CADPS2: variants seen among roughly 807,000 people sequenced by gnomAD.
CADPS2 encodes the protein calcium dependent secretion activator 2, also known as calcium-dependent secretion activator 2.
Under a neutral mutation model 172.5 loss-of-function variants are expected in CADPS2, and 93 were observed. The ratio of observed to expected loss-of-function variants is 0.54; its 90% CI spans 0.46 to 0.64. The LOEUF is 0.64. CADPS2 is among the 30% of genes least tolerant of loss of function. The pLI is 0.00. For synonymous variants in CADPS2, 546 were observed against 555.2 expected (o/e 0.98, Z 0.23); for missense variants, 1,420 against 1,565.9 (o/e 0.91, Z 1.57).
chr7:122,814,525 T>C (rs2140226684), intron 1 of CADPS2, among the ~76,000 whole-genome samples: 1 of 152,230 alleles, frequency 6.6e-6, no homozygotes, highest in East Asian at 1.9e-4. Context: ...TAATTATTCA[T>C]GACATGTCAA....
intron 9 of CADPS2, among the ~76,000 whole-genome samples, chr7:122,501,979 T>C (rs1427194617): frequency 6.6e-6 from 1 of 151,932 alleles, no homozygotes. Flanking sequence ...CATATTATTT[T>C]ATACATTCTC....
At chr7:122,618,221 A>T (rs2075180691) in intron 5 of CADPS2, among the ~76,000 whole-genome samples, 2 of 152,200 alleles carry the variant, frequency 1.3e-5, no homozygotes, top group Admixed American at 1.3e-4. Context: ...CTTAATGAAC[A>T]GAGATACCTA....
At chr7:122,436,041 T>C (rs1449436888) in intron 17 of CADPS2, among the ~76,000 whole-genome samples, 5 of 152,108 alleles carry the variant, frequency 3.3e-5, no homozygotes, top group Non-Finnish European at 7.4e-5. Context: ...TCTAGGGACC[T>C]ATTATACAGC....
Position 122,737,059 on chromosome 7 carries a change from G to A in CADPS2, c.349C>T (p.Gln117Ter). 6.3e-7 allele frequency: 1 copy of A among 1,585,354 alleles called. No individual in the cohort carries two copies. The highest frequency in any genetic ancestry group is 8.7e-7 in the Non-Finnish European group (1 of 1,154,918). Residue 117 changes from glutamine to a stop codon, truncating the protein, a stop_gained, in exon 2 of 30, where the codon CAA becomes TAA. Coordinates refer to ENST00000449022, the MANE Select transcript of CADPS2 (RefSeq NM_017954.11). LOFTEE classifies it high-confidence loss of function. ...MARRQQKLNK[Q>*]QLQLLKERFQ... Reference sequence around the variant, plus strand: ...CGTTCTTTCAGTAACTGCAACTGTTGTTTGTTAAGCTACAAGAAAAAGAGA... The same window carrying A: ...CGTTCTTTCAGTAACTGCAACTGTTATTTGTTAAGCTACAAGAAAAAGAGA...
intron 7 of CADPS2, among the ~76,000 whole-genome samples, chr7:122,572,250 A>C (rs1040658116): frequency 3.3e-5 from 5 of 152,158 alleles, no homozygotes; most frequent in Non-Finnish European, 7.4e-5. Flanking sequence ...AACTCTTCAT[A>C]TATAGGAGAC....
chr7:122,447,543 ATT>A lies in CADPS2; in HGVS notation c.2288+3829_2288+3830del, dbSNP rs1159112244. ...CCATGTTGATTTCTTGTTTCGGGGA[ATT>A]TTTTTTTTTTTTTTTTTTTTTTTTT... On this transcript the variant is annotated intron_variant, in intron 15 of 29. Coordinates refer to ENST00000449022, the MANE Select transcript of CADPS2 (RefSeq NM_017954.11). 4.0e-3 allele frequency among the ~76,000 whole-genome samples: 356 copies of A among 89,776 alleles called. 20 individuals carry two copies. Among genetic ancestry groups the A allele is most frequent in the Middle Eastern group, 0.019 (2 of 104 alleles). The allele number at this position is 89,776 out of a possible 152,430, so 58.9% of individuals were successfully genotyped here. A position where few individuals can be genotyped will look rare whatever the true frequency, so the allele number is the denominator to read the frequency against.
chr7:122,329,554 GAGA>G (rs1233478380), intron 28 of CADPS2, among the ~76,000 whole-genome samples: 1 of 152,190 alleles, frequency 6.6e-6, no homozygotes, highest in Non-Finnish European at 1.5e-5. Flanking sequence ...GCAAGTTAAA[GAGA>G]AGTAGTTAAG....
At chr7:122,350,737 G>A (rs2038423640) in intron 27 of CADPS2, among the ~76,000 whole-genome samples, 1 of 152,122 alleles carries the variant, frequency 6.6e-6, no homozygotes, top group Non-Finnish European at 1.5e-5. Flanking sequence ...TATATTCCCA[G>A]GGCTTTGGGA....
chr7:122,587,026 G>A (rs2133067905), intron 6 of CADPS2, among the ~76,000 whole-genome samples: 1 of 151,188 alleles, frequency 6.6e-6, no homozygotes, highest in East Asian at 1.9e-4. Context: ...CATTAAATAA[G>A]GATCCAGCAA....
At chr7:122,702,036 G>C in intron 2 of CADPS2, 1 of 1,613,610 alleles carries the variant, frequency 6.2e-7, no homozygotes, top group Middle Eastern at 1.7e-4. Context: ...CGCAGTTGAA[G>C]CTGGTCAATA....
chr7:122,401,428 G>A (rs577631243), intron 20 of CADPS2, among the ~76,000 whole-genome samples: 1 of 152,266 alleles, frequency 6.6e-6, no homozygotes, highest in South Asian at 2.1e-4. Flanking sequence ...AGCTCCAAGG[G>A]TTTGCGTTTC....
chr7:122,640,875 A>C (rs1162512483), intron 3 of CADPS2, among the ~76,000 whole-genome samples: 2 of 151,460 alleles, frequency 1.3e-5, no homozygotes, highest in Non-Finnish European at 2.9e-5. Flanking sequence ...TGGAGTTTGC[A>C]GTGAGCCGAG....
chr7:122,533,947 T>C (rs939701768), intron 8 of CADPS2, among the ~76,000 whole-genome samples: 3 of 152,118 alleles, frequency 2.0e-5, no homozygotes, highest in Admixed American at 6.6e-5. Flanking sequence ...ACGTCCAAGA[T>C]TTCCATTTAG....
rs1419980590 is a variant in CADPS2 at position 122,408,422 on chromosome 7, ATCATT to A, written c.2590-731_2590-727del. Among the ~76,000 whole-genome samples the A allele has an allele frequency of 2.0e-5, 3 of 152,090 alleles. No individual in the cohort carries two copies. The East Asian group carries it at 5.8e-4, about 29-fold the overall frequency. ...TCCATTCTCCATTCAGCAGCCAGTC[ATCATT>A]TCATTTATTTTTTTTGAGACAGGGC... is the stretch of plus-strand genomic sequence containing the variant. On this transcript the variant is annotated intron_variant, in intron 19 of 29. Transcript: ENST00000449022.
intron 2 of CADPS2, among the ~76,000 whole-genome samples, chr7:122,664,090 A>T: frequency 6.8e-6 from 1 of 146,742 alleles, no homozygotes; most frequent in Non-Finnish European, 1.5e-5. Context: ...AAAAAAGATG[A>T]TTAGGAAAAC....
At chr7:122,574,668 G>A (rs2067752511) in intron 7 of CADPS2, among the ~76,000 whole-genome samples, 1 of 151,584 alleles carries the variant, frequency 6.6e-6, no homozygotes, top group Non-Finnish European at 1.5e-5. Flanking sequence ...TGGTGCTGTG[G>A]GGGAAATTTT....
At chr7:122,715,929 T>C (rs2089533141) in intron 2 of CADPS2, among the ~76,000 whole-genome samples, 1 of 152,032 alleles carries the variant, frequency 6.6e-6, no homozygotes, top group Admixed American at 6.6e-5. Flanking sequence ...TCTAAAGGTA[T>C]TTTTTCCCCA....
At chr7:122,595,912 G>T (rs2071700763) in intron 6 of CADPS2, among the ~76,000 whole-genome samples, 1 of 152,032 alleles carries the variant, frequency 6.6e-6, no homozygotes, top group African/African-American at 2.4e-5. Flanking sequence ...GAGGCAAGTG[G>T]ATACTCAAGT....
At chr7:122,562,232 C>G (rs1171923022) in intron 7 of CADPS2, among the ~76,000 whole-genome samples, 1 of 152,144 alleles carries the variant, frequency 6.6e-6, no homozygotes, top group Non-Finnish European at 1.5e-5. Flanking sequence ...ATTAAGGTAG[C>G]AGGTGAAATT....
Sources: allele counts gnomAD v4.1 joint callset (sites outside exome capture counted in the v4.1 genomes callset), GRCh38; gene constraint gnomAD v4.1.1; transcripts MANE v1.5; gene names NCBI Gene and HGNC (gene_info 2026-07-23, HGNC 2026-07-21).